Variants in CNTN4 observed in about 807,000 individuals in gnomAD.
CNTN4 encodes the protein contactin 4, also known as contactin-4.
In CNTN4, 77 loss-of-function variants were observed where a neutral mutation model predicts 122.5. That is an observed-to-expected ratio of 0.63 (90% confidence interval 0.52 to 0.76). The LOEUF (loss-of-function observed/expected upper bound fraction) is 0.76, where lower values mean the gene tolerates loss of function less well. Among genes scored for constraint, CNTN4 ranks in the 30% least tolerant of loss-of-function variants. The pLI is 0.00. For synonymous variants in CNTN4, 512 were observed against 447.0 expected (o/e 1.15, Z -1.83); for missense variants, 1,256 against 1,259.1 (o/e 1.00, Z 0.04).
In CNTN4 at chr3:2,905,720, A is replaced by C. The variant is rs1011083575; in HGVS notation, c.1207+2715A>C. On this transcript the variant is annotated intron_variant, in intron 12 of 24. Coordinates refer to ENST00000418658, the MANE Select transcript of CNTN4 (RefSeq NM_175607.3). ...GGCATGTCATCAAATTATTTAGGCC[A>C]AACAAGTTGTAAAAATGTAAGGCTT... is the stretch of plus-strand genomic sequence containing the variant. Among the ~76,000 whole-genome samples the C allele has an allele frequency of 5.9e-5, 9 of 152,358 alleles. 1 individual carries two copies. Among genetic ancestry groups the C allele is most frequent in the East Asian group, 3.9e-4 (2 of 5,182 alleles).
At chr3:2,705,855 ATGTGTT>A (rs2086685417) in intron 4 of CNTN4, among the ~76,000 whole-genome samples, 1 of 92,746 alleles carries the variant, frequency 1.1e-5, no homozygotes, top group African/African-American at 5.0e-5. Context: ...TATATAATAT[ATGTGTT>A]TATATATAAT....
chr3:2,859,850 A>ATTGT (rs1386785540), intron 7 of CNTN4, among the ~76,000 whole-genome samples: 1 of 152,200 alleles, frequency 6.6e-6, no homozygotes, highest in African/African-American at 2.4e-5. Flanking sequence ...CAATTTCTTA[A>ATTGT]AGAAAATCTG....
chr3:2,970,087 G>GTTGTTT lies in CNTN4; in HGVS notation c.1359-18257_1359-18252dup, dbSNP rs764499171. Among the ~76,000 whole-genome samples the GTTGTTT allele has an allele frequency of 1.5e-3, 189 of 127,850 alleles. 1 individual carries two copies. Among genetic ancestry groups the GTTGTTT allele is most frequent in the Admixed American group, 5.1e-3 (64 of 12,630 alleles). 83.9% of individuals were successfully genotyped at this position (127,850 alleles called of 152,430 possible). The stretch of plus-strand genomic sequence containing the variant: ...ATAGCATACTGTTTTTGTTGTTGTT[G>GTTGTTT]TTGTTTGTTGTTGTTGTTTTAAGAG... On this transcript the variant is annotated intron_variant, in intron 13 of 24. Transcript: ENST00000418658.
At chr3:2,200,644 T>C (rs921551173) in intron 2 of CNTN4, among the ~76,000 whole-genome samples, 1 of 152,130 alleles carries the variant, frequency 6.6e-6, no homozygotes, top group Non-Finnish European at 1.5e-5. Flanking sequence ...CCAGCTAAAT[T>C]AATATATTTT....
At chr3:2,419,201 C>T (rs1371487823) in intron 3 of CNTN4, among the ~76,000 whole-genome samples, 2 of 152,118 alleles carry the variant, frequency 1.3e-5, no homozygotes, top group African/African-American at 4.8e-5. Flanking sequence ...CAGGTAATTT[C>T]CTGACATGAG....
chr3:2,262,543 A>G (rs1236334410), intron 2 of CNTN4: 1 of 151,250 alleles, frequency 6.6e-6, no homozygotes, highest in African/African-American at 2.4e-5. Flanking sequence ...TTGATAATTT[A>G]CTATCTGTCC....
intron 3 of CNTN4, among the ~76,000 whole-genome samples, chr3:2,408,429 C>A: frequency 6.6e-6 from 1 of 152,124 alleles, no homozygotes; most frequent in East Asian, 1.9e-4. Context: ...GTAAGAGGTA[C>A]AATTTATAAT....
At chr3:3,018,350 C>G (rs2125570361) in intron 14 of CNTN4, among the ~76,000 whole-genome samples, 1 of 152,232 alleles carries the variant, frequency 6.6e-6, no homozygotes, top group Non-Finnish European at 1.5e-5. Flanking sequence ...ATGGCATATG[C>G]TCTAGAATTA....
At chr3:2,427,981 G>A (rs2047906789) in intron 3 of CNTN4, among the ~76,000 whole-genome samples, 1 of 151,720 alleles carries the variant, frequency 6.6e-6, no homozygotes, top group Non-Finnish European at 1.5e-5. Context: ...ACGTGAGATG[G>A]GTGTCCTAAA....
At chr3:2,102,308 T>C (rs2032042180) in intron 2 of CNTN4, among the ~76,000 whole-genome samples, 1 of 152,168 alleles carries the variant, frequency 6.6e-6, no homozygotes, top group Admixed American at 6.5e-5. Context: ...ACATTTACAG[T>C]CCTGGGCAAT....
intron 7 of CNTN4, among the ~76,000 whole-genome samples, chr3:2,849,853 T>C (rs2093517228): frequency 6.6e-6 from 1 of 152,202 alleles, no homozygotes; most frequent in African/African-American, 2.4e-5. Context: ...GGCCAGTCAC[T>C]GCTCATCTCA....
chr3:2,745,722 C>T, intron 6 of CNTN4, 25 bp downstream of exon 6: 9 of 1,607,450 alleles, frequency 5.6e-6, no homozygotes, highest in Non-Finnish European at 7.7e-6. Context: ...TACAATGCTG[C>T]AAATGTTGCT....
intron 2 of CNTN4, among the ~76,000 whole-genome samples, chr3:2,123,735 TA>T (rs34826213): frequency 0.07 from 10,586 of 152,242 alleles, 541 homozygotes; most frequent in East Asian, 0.23. Flanking sequence ...GTTTTGGGAC[TA>T]AGAAATGATC....
At chr3:2,816,855 G>T (rs901165589) in intron 6 of CNTN4, among the ~76,000 whole-genome samples, 22 of 143,302 alleles carry the variant, frequency 1.5e-4, no homozygotes, top group Non-Finnish European at 2.7e-4. Context: ...ACTTACCCAT[G>T]TAACCAAATA....
chr3:2,681,637 G>A (rs535927868), intron 4 of CNTN4, among the ~76,000 whole-genome samples: 3 of 152,088 alleles, frequency 2.0e-5, no homozygotes, highest in South Asian at 4.2e-4. Flanking sequence ...CCTTACGTAT[G>A]TATACACATG....
chr3:2,405,534 A>G (rs936738071), intron 3 of CNTN4, among the ~76,000 whole-genome samples: 1 of 152,192 alleles, frequency 6.6e-6, no homozygotes, highest in East Asian at 1.9e-4. Context: ...TAATAACTAT[A>G]GTTATTTATT....
chr3:2,991,163 G>A (rs1695018800), intron 14 of CNTN4, among the ~76,000 whole-genome samples: 1 of 152,130 alleles, frequency 6.6e-6, no homozygotes, highest in Admixed American at 6.6e-5. Flanking sequence ...GCCTATGCTA[G>A]CCACATGATT....
At chr3:2,653,471 A>AG (rs2083452320) in intron 4 of CNTN4, among the ~76,000 whole-genome samples, 1 of 152,216 alleles carries the variant, frequency 6.6e-6, no homozygotes, top group Non-Finnish European at 1.5e-5. Flanking sequence ...ACATTCAGAA[A>AG]GGAGAAATAA....
At chr3:2,430,558 T>G (rs1290244845) in intron 3 of CNTN4, among the ~76,000 whole-genome samples, 1 of 146,438 alleles carries the variant, frequency 6.8e-6, no homozygotes, top group Admixed American at 7.1e-5. Context: ...AATTAGAAGG[T>G]GCCATTTTTT....
Sources: allele counts gnomAD v4.1 joint callset (sites outside exome capture counted in the v4.1 genomes callset), GRCh38; gene constraint gnomAD v4.1.1; transcripts MANE v1.5; gene names NCBI Gene and HGNC (gene_info 2026-07-23, HGNC 2026-07-21).